The following STPG2 variants were observed in gnomAD, a reference collection of about 807,000 sequenced individuals.
STPG2 encodes the protein sperm-tail PG-rich repeat-containing protein 2.
In STPG2, 56 loss-of-function variants were observed where a neutral mutation model predicts 54.2. The ratio of observed to expected loss-of-function variants is 1.03; its 90% CI spans 0.83 to 1.29. The LOEUF is 1.29. Ranked by LOEUF, STPG2 falls within the 50% of genes most tolerant of loss-of-function variation. STPG2 has a pLI of 0.00. For missense variants in STPG2, 596 were observed against 544.9 expected, an observed-to-expected ratio of 1.09 and a Z score of -0.93; for synonymous variants, 200 against 181.8, an observed-to-expected ratio of 1.10 and a Z score of -0.81.
intron 5 of STPG2, among the ~76,000 whole-genome samples, chr4:98,091,442 G>A (rs778497125): frequency 3.9e-5 from 6 of 152,142 alleles, no homozygotes; most frequent in Admixed American, 1.3e-4. Context: ...GTTGTACTCC[G>A]TCTGACAAAT....
chr4:97,923,783 T>C (rs1436630891), intron 8 of STPG2, among the ~76,000 whole-genome samples: 1 of 152,160 alleles, frequency 6.6e-6, no homozygotes, highest in Non-Finnish European at 1.5e-5. Flanking sequence ...TGTAAACCAA[T>C]CAACACTCTG....
chr4:97,856,414 T>C (rs1729339847), intron 8 of STPG2, among the ~76,000 whole-genome samples: 1 of 152,200 alleles, frequency 6.6e-6, no homozygotes, highest in South Asian at 2.1e-4. Context: ...TTTATTCCCT[T>C]TGTAACAATT....
chr4:97,969,348 G>T (rs1478661847), intron 7 of STPG2, among the ~76,000 whole-genome samples: 2 of 152,122 alleles, frequency 1.3e-5, no homozygotes, highest in African/African-American at 2.4e-5. Context: ...TTATGTCAAA[G>T]AATTACTTCA....
intron 6 of STPG2, among the ~76,000 whole-genome samples, chr4:97,978,587 G>A (rs1204261028): frequency 1.3e-5 from 2 of 152,040 alleles, no homozygotes; most frequent in African/African-American, 4.8e-5. Context: ...TGATGAAACA[G>A]CCTGTACAAG....
rs147619628 is a variant in STPG2 at position 97,882,200 on chromosome 4, A to G, written c.1045-41268T>C. Reference sequence around the variant, plus strand: ...TGGAATGCCGGGGAACTGAAGATACAAAGAGAATTAGCACTACACTATGGA... The same window carrying G: ...TGGAATGCCGGGGAACTGAAGATACGAAGAGAATTAGCACTACACTATGGA... On this transcript the variant is annotated intron_variant, in intron 8 of 10. Coordinates refer to ENST00000295268, the MANE Select transcript of STPG2 (RefSeq NM_174952.3). 4.6e-3 allele frequency among the ~76,000 whole-genome samples: 694 copies of G among 152,312 alleles called. 5 individuals carry two copies. Among genetic ancestry groups the G allele is most frequent in the African/African-American group, 0.016 (654 of 41,564 alleles).
intron 10 of STPG2, among the ~76,000 whole-genome samples, chr4:97,605,498 G>T (rs1056519934): frequency 6.6e-6 from 1 of 151,650 alleles, no homozygotes; most frequent in African/African-American, 2.4e-5. Context: ...CCAGTTCATG[G>T]TTTTAAGACC....
intron 5 of STPG2, among the ~76,000 whole-genome samples, chr4:98,095,232 A>C (rs1738817766): frequency 6.6e-6 from 1 of 152,202 alleles, no homozygotes; most frequent in African/African-American, 2.4e-5. Context: ...TTCCACGAAA[A>C]GGAAGACAGG....
chr4:97,581,598 C>T (rs1732864901), intron 10 of STPG2, among the ~76,000 whole-genome samples: 1 of 151,998 alleles, frequency 6.6e-6, no homozygotes, highest in African/African-American at 2.4e-5. Context: ...AAATATCTAG[C>T]ATCTTATTAG....
chr4:97,737,568 A>T (rs1004210196), intron 9 of STPG2, among the ~76,000 whole-genome samples: 1 of 152,246 alleles, frequency 6.6e-6, no homozygotes, highest in Non-Finnish European at 1.5e-5. Flanking sequence ...AAGAATGCAG[A>T]AGCCTCAGGA....
At chr4:97,514,882 T>G (rs1378679607) in intron 4 of STPG2, among the ~76,000 whole-genome samples, 1 of 152,080 alleles carries the variant, frequency 6.6e-6, no homozygotes, top group African/African-American at 2.4e-5. Context: ...AATTGGTATA[T>G]CTTATCTAAA....
At chr4:97,629,107 G>T (rs545086518) in intron 10 of STPG2, among the ~76,000 whole-genome samples, 1 of 151,864 alleles carries the variant, frequency 6.6e-6, no homozygotes. Flanking sequence ...GTTTTGTGTA[G>T]CATAGGTTGC....
chr4:97,910,893 G>C (rs916663499), intron 8 of STPG2, among the ~76,000 whole-genome samples: 1 of 152,142 alleles, frequency 6.6e-6, no homozygotes, highest in East Asian at 1.9e-4. Context: ...TGCGAACTGC[G>C]GCTTTCACAG....
chr4:97,686,418 C>T (rs771933455), intron 10 of STPG2, among the ~76,000 whole-genome samples: 4 of 152,082 alleles, frequency 2.6e-5, no homozygotes, highest in Admixed American at 6.6e-5. Context: ...TGTGGCTTAG[C>T]CATTTCATTA....
At chr4:97,566,895 G>C (rs892216077) in intron 10 of STPG2, among the ~76,000 whole-genome samples, 4 of 149,576 alleles carry the variant, frequency 2.7e-5, no homozygotes, top group South Asian at 2.1e-4. Flanking sequence ...GGTGGTGGGA[G>C]GGGGGAGGGA....
At chr4:98,062,984 A>C (rs911821104) in intron 5 of STPG2, among the ~76,000 whole-genome samples, 1 of 152,066 alleles carries the variant, frequency 6.6e-6, no homozygotes, top group Admixed American at 6.6e-5. Context: ...TCCTCAGCTC[A>C]AGTGATCCTC....
At chr4:97,872,611 C>A (rs116485289) in intron 8 of STPG2, among the ~76,000 whole-genome samples, 2 of 150,836 alleles carry the variant, frequency 1.3e-5, no homozygotes, top group African/African-American at 4.9e-5. Context: ...CTGAAATATG[C>A]AAAATTAGAT....
At position 97,625,232 on chromosome 4, in the gene STPG2, T is replaced by C. The variant is rs185442870; in HGVS notation, c.1321-66115A>G. ...TTTCAATACGGAAAAACATTTATAA[T>C]GCTGGCAGATATACTTGAATGAATT... On this transcript the variant is annotated intron_variant, in intron 10 of 10. Transcript: ENST00000295268. 3.3e-3 allele frequency among the ~76,000 whole-genome samples: 502 copies of C among 152,356 alleles called. 3 individuals are homozygous for C. The highest frequency in any genetic ancestry group is 0.011 in the African/African-American group (474 of 41,592).
chr4:97,563,417 G>A (rs147905871), intron 10 of STPG2, among the ~76,000 whole-genome samples: 4,863 of 152,124 alleles, frequency 0.032, 236 homozygotes, highest in African/African-American at 0.11. Flanking sequence ...TTTTTGAAGG[G>A]TTTTTTGTGT....
At chr4:97,909,295 G>T (rs1731586555) in intron 8 of STPG2, among the ~76,000 whole-genome samples, 1 of 151,866 alleles carries the variant, frequency 6.6e-6, no homozygotes, top group Admixed American at 6.6e-5. Context: ...AGAAAAAAAT[G>T]AAAAATAATT....
Sources: allele counts gnomAD v4.1 joint callset (sites outside exome capture counted in the v4.1 genomes callset), GRCh38; gene constraint gnomAD v4.1.1; transcripts MANE v1.5; gene names NCBI Gene and HGNC (gene_info 2026-07-23, HGNC 2026-07-21).